The following GNA12 variants were observed in gnomAD, a reference collection of about 807,000 sequenced individuals.
GNA12 encodes the protein guanine nucleotide-binding protein subunit alpha-12.
GNA12 carries 9 observed loss-of-function variants against 26.0 expected under a neutral mutation model. The observed-to-expected ratio is 0.35, with a 90% confidence interval of 0.21 to 0.60. The LOEUF (loss-of-function observed/expected upper bound fraction) is 0.60, where lower values mean the gene tolerates loss of function less well. Ranked by LOEUF, GNA12 falls within the 20% of genes least tolerant of loss-of-function variation. The pLI, the probability that GNA12 is intolerant of heterozygous loss-of-function variation, is 0.78. For missense variants in GNA12, 405 were observed against 525.8 expected (o/e 0.77, Z 2.25); for synonymous variants, 264 against 219.6 (o/e 1.20, Z -1.79).
chr7:2,835,959 A>G, intron 1 of GNA12: 1 of 497,830 alleles, frequency 2.0e-6, no homozygotes, highest in Admixed American at 2.7e-5. Context: ...GGGTGTGAGC[A>G]GATTTGAAAG....
chr7:2,828,160 G>T (rs1371971431), intron 1 of GNA12, among the ~76,000 whole-genome samples: 2 of 152,192 alleles, frequency 1.3e-5, no homozygotes, highest in Non-Finnish European at 2.9e-5. Context: ...AAATTGTAAA[G>T]CAAGATTCAA....
At chr7:2,809,534 C>T (rs138407899) in intron 1 of GNA12, among the ~76,000 whole-genome samples, 44 of 151,972 alleles carry the variant, frequency 2.9e-4, no homozygotes, top group African/African-American at 1.0e-3. Flanking sequence ...ATTAGTTGTA[C>T]AATGGATCTG....
intron 1 of GNA12, among the ~76,000 whole-genome samples, chr7:2,826,150 G>A (rs1322090927): frequency 2.0e-5 from 3 of 151,940 alleles, no homozygotes; most frequent in Admixed American, 1.3e-4. Context: ...AGGCGCAGGC[G>A]GGCAGATCAC....
Position 2,793,745 on chromosome 7 carries a change from T to G in GNA12, c.525+1183A>C, listed in dbSNP as rs552935283. On this transcript the variant is annotated intron_variant, in intron 2 of 3. Coordinates refer to ENST00000275364, the MANE Select transcript of GNA12 (RefSeq NM_007353.3). ...TAAAAAATATAAAAATTAGCTGGTG[T>G]GGTGGTGGGTGCCTACAGTCTCTGC... Among the ~76,000 whole-genome samples the G allele has an allele frequency of 1.6e-3, 237 of 151,406 alleles. 1 individual carries two copies. Among genetic ancestry groups the G allele is most frequent in the African/African-American group, 5.5e-3 (225 of 41,236 alleles).
intron 2 of GNA12, among the ~76,000 whole-genome samples, chr7:2,745,120 C>CT (rs1790703689): frequency 6.6e-6 from 1 of 152,144 alleles, no homozygotes; most frequent in African/African-American, 2.4e-5. Flanking sequence ...GGAAAACTTC[C>CT]CCAATCTAGC....
At chr7:2,816,318 C>A (rs1486943623) in intron 1 of GNA12, among the ~76,000 whole-genome samples, 1 of 152,024 alleles carries the variant, frequency 6.6e-6, no homozygotes, top group South Asian at 2.1e-4. Context: ...GCGACCACCA[C>A]CTCCCTAGTT....
intron 2 of GNA12, chr7:2,760,281 G>A: frequency 6.6e-6 from 1 of 152,628 alleles, no homozygotes; most frequent in Non-Finnish European, 1.5e-5. Context: ...CAGCAGCGCT[G>A]CCTCCCTAGG....
chr7:2,776,406 G>A (rs780349082), intron 2 of GNA12, among the ~76,000 whole-genome samples: 6 of 152,212 alleles, frequency 3.9e-5, no homozygotes, highest in Non-Finnish European at 7.3e-5. Context: ...TACATCCCAC[G>A]GTGTCCAACA....
Position 2,805,326 on chromosome 7 carries a change from T to C in GNA12, c.310-10183A>G, listed in dbSNP as rs138911421. ...AATAACTCTGCGAGGAATAGCATTA[T>C]GCCCATTTTACAAATGAGAAAGCGG... On this transcript the variant is annotated intron_variant, in intron 1 of 3. Transcript: ENST00000275364. 4.5e-3 allele frequency among the ~76,000 whole-genome samples: 684 copies of C among 152,360 alleles called. 23 individuals carry two copies. The highest frequency in any genetic ancestry group is 0.038 in the Admixed American group (586 of 15,304).
intron 2 of GNA12, among the ~76,000 whole-genome samples, chr7:2,768,698 A>C (rs1388902712): frequency 1.3e-4 from 19 of 151,098 alleles, no homozygotes; most frequent in African/African-American, 2.7e-4. Context: ...AAAAAAAAAA[A>C]CAGTAAACCT....
intron 2 of GNA12, among the ~76,000 whole-genome samples, chr7:2,765,324 A>G (rs1291054394): frequency 6.6e-6 from 1 of 151,660 alleles, no homozygotes; most frequent in African/African-American, 2.4e-5. Context: ...ATTTTTTTGT[A>G]TTTTTAGTAG....
intron 1 of GNA12, among the ~76,000 whole-genome samples, chr7:2,800,214 C>T (rs955395458): frequency 1.7e-4 from 26 of 152,270 alleles, no homozygotes; most frequent in African/African-American, 4.8e-4. Context: ...TTATGTTAAA[C>T]GAAAAGTCAG....
At chr7:2,808,170 T>G (rs1792993879) in intron 1 of GNA12, among the ~76,000 whole-genome samples, 1 of 152,234 alleles carries the variant, frequency 6.6e-6, no homozygotes, top group Non-Finnish European at 1.5e-5. Context: ...TTTCAATATC[T>G]CTTTCGGGAA....
chr7:2,832,141 T>G (rs903939519), intron 1 of GNA12, among the ~76,000 whole-genome samples: 1 of 152,208 alleles, frequency 6.6e-6, no homozygotes, highest in Non-Finnish European at 1.5e-5. Context: ...CAGGTGGATG[T>G]GTTCATCCAT....
intron 2 of GNA12, among the ~76,000 whole-genome samples, chr7:2,778,466 G>A (rs559558071): frequency 6.6e-6 from 1 of 152,260 alleles, no homozygotes; most frequent in South Asian, 2.1e-4. Context: ...TTTCTTCCAT[G>A]ACACTCACAC....
Position 2,771,205 on chromosome 7 carries a change from C to T in GNA12, c.525+23723G>A, listed in dbSNP as rs208342. On this transcript the variant is annotated intron_variant, in intron 2 of 3. Transcript: ENST00000275364. ...ACTCGGGAGGCCGGGGCAGGAGAAT[C>T]GCTTGAACCTGGGAGGTGGAGGTTG... 1.6e-3 allele frequency among the ~76,000 whole-genome samples: 244 copies of T among 152,204 alleles called. 7 individuals carry two copies. The East Asian group carries it at 0.038, about 24-fold the overall frequency.
At chr7:2,797,885 C>A (rs1186066237) in intron 1 of GNA12, among the ~76,000 whole-genome samples, 2 of 152,130 alleles carry the variant, frequency 1.3e-5, no homozygotes, top group Admixed American at 1.3e-4. Flanking sequence ...ATCTGACCCC[C>A]AGAAACTCAG....
In GNA12 at chr7:2,844,295, G is replaced by T; in HGVS notation, c.-134C>A. ...TCAGGCCGCGTCCGCCGCCGCCGCT[G>T]CAGTCGCTCCGAGGCCCGCACTCGT... is the stretch of plus-strand genomic sequence containing the variant. On this transcript the variant is annotated 5_prime_UTR_variant, in exon 1 of 4. Coordinates refer to ENST00000275364, the MANE Select transcript of GNA12 (RefSeq NM_007353.3). The T allele has an allele frequency of 3.4e-6, 1 of 298,338 alleles. No homozygotes were observed. 18.5% of individuals were successfully genotyped at this position (298,338 alleles called of 1,614,324 possible).
intron 2 of GNA12, chr7:2,762,901 G>GGGGAGAAGAGGCCACA: frequency 7.0e-7 from 1 of 1,421,582 alleles, no homozygotes; most frequent in Non-Finnish European, 9.2e-7. Context: ...GTGCTGCGGC[G>GGGGAGAAGAGGCCACA]GGGAGAAGAG....
Sources: allele counts gnomAD v4.1 joint callset (sites outside exome capture counted in the v4.1 genomes callset), GRCh38; gene constraint gnomAD v4.1.1; transcripts MANE v1.5; gene names NCBI Gene and HGNC (gene_info 2026-07-23, HGNC 2026-07-21).